KCNK2: variants seen among roughly 807,000 people sequenced by gnomAD.
KCNK2 encodes potassium channel subfamily K member 2.
In KCNK2, 21 loss-of-function variants were observed where a neutral mutation model predicts 40.5. That is an observed-to-expected ratio of 0.52 (90% confidence interval 0.37 to 0.75). The LOEUF (loss-of-function observed/expected upper bound fraction) is 0.75. Ranked by LOEUF, KCNK2 falls within the 30% of genes least tolerant of loss-of-function variation. The pLI, the probability that KCNK2 is intolerant of heterozygous loss-of-function variation, is 0.00. For synonymous variants in KCNK2, 191 were observed against 202.2 expected (o/e 0.94, Z 0.47); for missense variants, 399 against 531.6 (o/e 0.75, Z 2.45).
chr1:215,038,242 G>A (rs1245732305), intron 1 of KCNK2, among the ~76,000 whole-genome samples: 1 of 152,020 alleles, frequency 6.6e-6, no homozygotes, highest in Non-Finnish European at 1.5e-5. Flanking sequence ...CCTTCCCTAT[G>A]GTAGTCCTCA....
intron 2 of KCNK2, among the ~76,000 whole-genome samples, chr1:215,096,615 C>G (rs994398537): frequency 6.6e-6 from 1 of 151,920 alleles, no homozygotes; most frequent in Non-Finnish European, 1.5e-5. Flanking sequence ...TAGGGTGGAT[C>G]ATAGGGAACC....
At chr1:215,044,171 T>C (rs1368383157) in intron 1 of KCNK2, among the ~76,000 whole-genome samples, 8 of 152,198 alleles carry the variant, frequency 5.3e-5, no homozygotes. Flanking sequence ...TGTGTTTTTT[T>C]TCCAAAGTAT....
At chr1:215,139,800 G>T (rs917392507) in intron 3 of KCNK2, among the ~76,000 whole-genome samples, 2 of 151,934 alleles carry the variant, frequency 1.3e-5, no homozygotes, top group Admixed American at 1.3e-4. Flanking sequence ...CTTTTTCCCC[G>T]ATTTTTAAAA....
chr1:215,156,909 G>A (rs1430774068), intron 3 of KCNK2, among the ~76,000 whole-genome samples: 1 of 152,056 alleles, frequency 6.6e-6, no homozygotes, highest in Admixed American at 6.6e-5. Flanking sequence ...AAATTAGCTG[G>A]GTGTGGTGGC....
chr1:215,045,241 A>T (rs574205849), intron 1 of KCNK2, among the ~76,000 whole-genome samples: 13 of 151,910 alleles, frequency 8.6e-5, no homozygotes, highest in Non-Finnish European at 1.9e-4. Flanking sequence ...AACAAAAAAG[A>T]TGAACAGAGT....
intron 1 of KCNK2, among the ~76,000 whole-genome samples, chr1:215,017,659 A>G (rs1343885897): frequency 2.0e-5 from 3 of 152,138 alleles, no homozygotes; most frequent in Non-Finnish European, 4.4e-5. Context: ...CAAGAGATTT[A>G]TTGTACAACA....
intron 6 of KCNK2, among the ~76,000 whole-genome samples, chr1:215,209,463 T>TATAATATATATTATATATA (rs1558140234): frequency 0.017 from 89 of 5,252 alleles, no homozygotes; most frequent in African/African-American, 0.028. Context: ...TTATATATTA[T>TATAATATATATTATATATA]ATATAATATA....
chr1:215,224,470 T>C (rs1289501679), intron 6 of KCNK2, among the ~76,000 whole-genome samples: 1 of 152,116 alleles, frequency 6.6e-6, no homozygotes, highest in African/African-American at 2.4e-5. Context: ...AAATAGGGAG[T>C]TGGCATTTTG....
chr1:215,133,508 CT>C (rs1351951369), intron 3 of KCNK2, among the ~76,000 whole-genome samples: 2 of 151,916 alleles, frequency 1.3e-5, no homozygotes, highest in East Asian at 1.9e-4. Context: ...TTATCAGAAA[CT>C]TTTTTTCTAT....
At chr1:215,140,607 A>G (rs1046443472) in intron 3 of KCNK2, among the ~76,000 whole-genome samples, 1 of 152,168 alleles carries the variant, frequency 6.6e-6, no homozygotes, top group Non-Finnish European at 1.5e-5. Context: ...CATAGAAAAG[A>G]TGCACAAAAT....
At chr1:215,079,428 A>T (rs1659066647), upstream of KCNK2, among the ~76,000 whole-genome samples, 1 of 152,226 alleles carries the variant, frequency 6.6e-6, no homozygotes, top group South Asian at 2.1e-4. Context: ...CTGGAGCAGG[A>T]GGAAGAGAGT....
intron 3 of KCNK2, among the ~76,000 whole-genome samples, chr1:215,126,301 G>A (rs1378093146): frequency 1.3e-5 from 2 of 151,990 alleles, no homozygotes; most frequent in Admixed American, 6.6e-5. Flanking sequence ...TTTTTTAAGA[G>A]GTCAAGAAAC....
Position 215,169,241 on chromosome 1 carries a change from T to A in KCNK2, c.518T>A (p.Phe173Tyr), listed in dbSNP as rs1450887405. The change falls in exon 4 of 7, where the codon TTC becomes TAC. Residue 173 changes from phenylalanine to tyrosine, a missense_variant. Physicochemically the swap from Phe to Tyr is conservative, Grantham distance 22. Around this residue, in one of 3 missense-constraint regions of KCNK2, gnomAD observed 279 missense variants for 353.8 expected, o/e 0.79. Coordinates refer to ENST00000444842, the MANE Select transcript of KCNK2 (RefSeq NM_001017425.3). ...CCACGCACAGAAGGCGGCAAAATATTCTGTATCATCTATGCCTTACTGGGA... is the reference window on the plus strand; with the variant it reads ...CCACGCACAGAAGGCGGCAAAATATACTGTATCATCTATGCCTTACTGGGA... ...ISPRTEGGKI[F>Y]CIIYALLGIP... The A allele has an allele frequency of 1.2e-6, 2 of 1,612,804 alleles. No homozygotes were observed. Among genetic ancestry groups the A allele is most frequent in the Non-Finnish European group, 1.7e-6 (2 of 1,179,328 alleles).
chr1:215,076,082 G>A (rs61818296), intron 1 of KCNK2, among the ~76,000 whole-genome samples: 1,580 of 152,232 alleles, frequency 0.01, 33 homozygotes, highest in South Asian at 0.066. Context: ...TTACCTCTTC[G>A]CTCCCTTTTC....
At chr1:215,152,804 G>A (rs1662739829) in intron 3 of KCNK2, among the ~76,000 whole-genome samples, 1 of 152,030 alleles carries the variant, frequency 6.6e-6, no homozygotes, top group Admixed American at 6.6e-5. Flanking sequence ...TGAGATTGGA[G>A]TAATAGAGTT....
At chr1:215,147,750 G>C (rs1196600807) in intron 3 of KCNK2, among the ~76,000 whole-genome samples, 1 of 152,104 alleles carries the variant, frequency 6.6e-6, no homozygotes, top group African/African-American at 2.4e-5. Context: ...TAGGATAATT[G>C]CTTGAACTCA....
intron 6 of KCNK2, among the ~76,000 whole-genome samples, chr1:215,204,727 G>T (rs1665240891): frequency 6.6e-6 from 1 of 152,134 alleles, no homozygotes; most frequent in Non-Finnish European, 1.5e-5. Context: ...TTCAAACATA[G>T]ATCAAAATGA....
intron 3 of KCNK2, among the ~76,000 whole-genome samples, chr1:215,167,334 CAA>C (rs34996326): frequency 4.7e-4 from 69 of 147,142 alleles, no homozygotes; most frequent in African/African-American, 8.2e-4. Flanking sequence ...GTAACAACGA[CAA>C]AAAAAAAAAA....
chr1:215,066,130 GGA>G (rs67966876), intron 1 of KCNK2, among the ~76,000 whole-genome samples: 75,957 of 151,734 alleles, frequency 0.5, 19,686 homozygotes, highest in Middle Eastern at 0.74. Context: ...TGCAGGGCTA[GGA>G]GAGGGATAAC....
Sources: allele counts gnomAD v4.1 joint callset (sites outside exome capture counted in the v4.1 genomes callset), GRCh38; gene constraint gnomAD v4.1.1; regional missense constraint gnomAD v4.1.1; transcripts MANE v1.5; gene names NCBI Gene and HGNC (gene_info 2026-07-23, HGNC 2026-07-21).